NCOA5: variants seen among roughly 807,000 people sequenced by gnomAD.
The protein encoded by NCOA5 is NCoA-5.
Under a neutral mutation model 59.0 loss-of-function variants are expected in NCOA5, and 12 were observed. The observed-to-expected ratio is 0.20, with a 90% CI of 0.13 to 0.33. The LOEUF (loss-of-function observed/expected upper bound fraction) is 0.33. Ranked by LOEUF, NCOA5 falls within the 10% of genes least tolerant of loss-of-function variation. The pLI, the probability that NCOA5 is intolerant of heterozygous loss-of-function variation, is 1.00. For synonymous variants in NCOA5, 270 were observed against 275.5 expected (o/e 0.98, Z 0.20); for missense variants, 655 against 766.6 (o/e 0.85, Z 1.72).
intron 1 of NCOA5, among the ~76,000 whole-genome samples, chr20:46,087,980 T>C (rs1162160545): frequency 6.6e-6 from 1 of 150,974 alleles, no homozygotes; most frequent in Non-Finnish European, 1.5e-5. Flanking sequence ...CACACACATA[T>C]ATATACATAT....
chr20:46,077,882 C>T lies in NCOA5; in HGVS notation c.38+1505G>A, dbSNP rs544618084. 2.0e-5 allele frequency among the ~76,000 whole-genome samples: 3 copies of T among 152,300 alleles called. No homozygotes were observed. The South Asian group carries it at 6.2e-4, about 32-fold the overall frequency. ...GATCTGTGGCATGGTTAGATGAAGG[C>T]TAATGAAAGCAGACATTATACGGAA... On this transcript the variant is annotated intron_variant, in intron 2 of 7. Coordinates refer to ENST00000290231, the MANE Select transcript of NCOA5 (RefSeq NM_020967.3).
At chr20:46,069,063 C>A (rs947701521) in intron 3 of NCOA5, among the ~76,000 whole-genome samples, 2 of 152,066 alleles carry the variant, frequency 1.3e-5, no homozygotes, top group African/African-American at 4.8e-5. Context: ...CCGCCCACCT[C>A]GGCCTCCCAA....
At chr20:46,087,336 T>G (rs747194500) in intron 1 of NCOA5, among the ~76,000 whole-genome samples, 14 of 152,248 alleles carry the variant, frequency 9.2e-5, no homozygotes, top group Non-Finnish European at 1.8e-4. Flanking sequence ...ATCCTCACAG[T>G]AGTAAAACAT....
At chr20:46,087,998 T>C (rs922445354) in intron 1 of NCOA5, among the ~76,000 whole-genome samples, 6 of 133,212 alleles carry the variant, frequency 4.5e-5, no homozygotes, top group African/African-American at 1.6e-4. Context: ...TATACATATA[T>C]ATATATTTTT....
chr20:46,075,149 G>A (rs1008214768), intron 2 of NCOA5, among the ~76,000 whole-genome samples: 11 of 152,212 alleles, frequency 7.2e-5, no homozygotes, highest in African/African-American at 2.7e-4. Context: ...TTGCCATTAG[G>A]TGGAGGTAGG....
intron 1 of NCOA5, among the ~76,000 whole-genome samples, chr20:46,081,561 C>A (rs1188888053): frequency 6.6e-6 from 1 of 152,164 alleles, no homozygotes; most frequent in East Asian, 1.9e-4. Context: ...TAATTTGCCT[C>A]GTAGTATCTA....
At chr20:46,076,617 A>T (rs1230912108) in intron 2 of NCOA5, among the ~76,000 whole-genome samples, 1 of 149,212 alleles carries the variant, frequency 6.7e-6, no homozygotes, top group Non-Finnish European at 1.5e-5. Context: ...CGGTTTTTAG[A>T]TGGGGTTACT....
chr20:46,072,992 T>C (rs2084900984), intron 2 of NCOA5, among the ~76,000 whole-genome samples: 1 of 152,240 alleles, frequency 6.6e-6, no homozygotes, highest in Admixed American at 6.5e-5. Context: ...TACAAACTTC[T>C]ATAACCGCAC....
intron 1 of NCOA5, among the ~76,000 whole-genome samples, chr20:46,079,786 G>A (rs1311905540): frequency 6.6e-6 from 1 of 152,208 alleles, no homozygotes; most frequent in African/African-American, 2.4e-5. Context: ...TAAACTCTTA[G>A]AAAGCAGCTG....
chr20:46,062,265 G>T lies in NCOA5; in HGVS notation c.*35C>A. 1 of 1,542,368 alleles carries T rather than the reference G, an allele frequency of 6.5e-7. No individual in the cohort carries two copies. The highest frequency in any genetic ancestry group is 1.2e-5 in the South Asian group (1 of 86,876). On this transcript the variant is annotated 3_prime_UTR_variant, in exon 8 of 8. Coordinates refer to ENST00000290231, the MANE Select transcript of NCOA5 (RefSeq NM_020967.3). Reference sequence around the variant, plus strand: ...ACAAGTAAGTGGGAGGAGGCCAGGGGATGAGGGGACTGGGGAGAGTTGAAA... The same window carrying T: ...ACAAGTAAGTGGGAGGAGGCCAGGGTATGAGGGGACTGGGGAGAGTTGAAA...
chr20:46,065,283 G>A (rs184170445), intron 5 of NCOA5, 55 bp from the exon 6 acceptor site: 2 of 1,561,484 alleles, frequency 1.3e-6, no homozygotes, highest in South Asian at 2.2e-5. Context: ...TGCATCGTGT[G>A]TCTCAAGCCA....
intron 6 of NCOA5, among the ~76,000 whole-genome samples, chr20:46,064,305 G>A (rs868250973): frequency 6.6e-6 from 1 of 152,224 alleles, no homozygotes; most frequent in Non-Finnish European, 1.5e-5. Flanking sequence ...GGTTATGAGG[G>A]TAATGGGTGA....
At chr20:46,081,911 T>C (rs1047057861) in intron 1 of NCOA5, among the ~76,000 whole-genome samples, 10 of 152,142 alleles carry the variant, frequency 6.6e-5, no homozygotes, top group East Asian at 1.9e-4. Flanking sequence ...CATGTGCACA[T>C]AGAACTTTTG....
intron 1 of NCOA5, among the ~76,000 whole-genome samples, chr20:46,081,201 C>T (rs564031340): frequency 6.6e-6 from 1 of 152,174 alleles, no homozygotes; most frequent in African/African-American, 2.4e-5. Flanking sequence ...ATTAAATGGT[C>T]TTGTGAATAA....
At chr20:46,087,649 C>T (rs977537985) in intron 1 of NCOA5, among the ~76,000 whole-genome samples, 1 of 152,136 alleles carries the variant, frequency 6.6e-6, no homozygotes, top group Non-Finnish European at 1.5e-5. Flanking sequence ...ATCCCAGCTA[C>T]TTAGGAGACT....
chr20:46,084,639 G>A (rs1316832463), intron 1 of NCOA5, among the ~76,000 whole-genome samples: 1 of 152,136 alleles, frequency 6.6e-6, no homozygotes, highest in African/African-American at 2.4e-5. Flanking sequence ...CTGAGCTGTG[G>A]TCCTTACTTT....
chr20:46,087,626 G>A (rs979920664), intron 1 of NCOA5, among the ~76,000 whole-genome samples: 1 of 152,206 alleles, frequency 6.6e-6, no homozygotes, highest in Non-Finnish European at 1.5e-5. Context: ...GGGCGTGGTG[G>A]CGCACGCCTG....
intron 1 of NCOA5, among the ~76,000 whole-genome samples, chr20:46,083,075 CATAA>C (rs1600633319): frequency 1.3e-5 from 2 of 152,128 alleles, no homozygotes; most frequent in South Asian, 4.1e-4. Context: ...TTTTATAGTT[CATAA>C]GCTACAGCCA....
intron 1 of NCOA5, among the ~76,000 whole-genome samples, chr20:46,082,383 T>C (rs2085000959): frequency 6.6e-6 from 1 of 152,202 alleles, no homozygotes; most frequent in Admixed American, 6.5e-5. Flanking sequence ...AAAGACAATT[T>C]GGAGATCTTT....
Sources: gnomAD v4.1 joint callset for allele counts (sites outside exome capture counted in the v4.1 genomes callset) on GRCh38, gnomAD v4.1.1 for gene constraint, MANE v1.5 for transcripts, NCBI Gene and HGNC (gene_info 2026-07-23, HGNC 2026-07-21) for gene names.